The following FAT3 variants were observed in gnomAD, a reference collection of about 807,000 sequenced individuals.
The protein encoded by FAT3 is FAT atypical cadherin 3.
FAT3 carries 95 observed loss-of-function variants against 310.2 expected under a neutral mutation model. That is an observed-to-expected ratio of 0.31 (90% CI 0.26 to 0.36). FAT3 has a LOEUF of 0.36. Among genes scored for constraint, FAT3 ranks in the 10% least tolerant of loss-of-function variants. The pLI, the probability that FAT3 is intolerant of heterozygous loss-of-function variation, is 1.00. For missense variants in FAT3, 5,408 were observed against 5,715.6 expected, an observed-to-expected ratio of 0.95 and a Z score of 1.74; for synonymous variants, 2,314 against 2,192.9, an observed-to-expected ratio of 1.06 and a Z score of -1.54.
intron 6 of FAT3, among the ~76,000 whole-genome samples, chr11:92,771,604 T>C (rs1424283874): frequency 1.3e-5 from 2 of 152,122 alleles, no homozygotes; most frequent in Non-Finnish European, 2.9e-5. Flanking sequence ...CTGAGAGACA[T>C]AGTTTGTAGG....
intron 3 of FAT3, among the ~76,000 whole-genome samples, chr11:92,562,364 T>C (rs1955257538): frequency 6.6e-6 from 1 of 152,176 alleles, no homozygotes; most frequent in Non-Finnish European, 1.5e-5. Context: ...TTCCCTTGCA[T>C]ATAGAAGGCC....
chr11:92,325,663 C>T (rs1321231989), intron 1 of FAT3, among the ~76,000 whole-genome samples: 2 of 152,114 alleles, frequency 1.3e-5, no homozygotes, highest in African/African-American at 4.8e-5. Flanking sequence ...AGATGAGTCT[C>T]GCTCTGTCAC....
At chr11:92,742,530 C>G (rs538283546) in intron 4 of FAT3, among the ~76,000 whole-genome samples, 1 of 152,330 alleles carries the variant, frequency 6.6e-6, no homozygotes, top group African/African-American at 2.4e-5. Context: ...CCAATGCAAC[C>G]ATGTCGGAGG....
chr11:92,493,016 TCTCTC>T (rs1952653589), intron 2 of FAT3, among the ~76,000 whole-genome samples: 1 of 152,084 alleles, frequency 6.6e-6, no homozygotes, highest in African/African-American at 2.4e-5. Context: ...CAGAGATTCT[TCTCTC>T]CCTCAAACTT....
chr11:92,361,579 T>A (rs1286035131), intron 2 of FAT3, among the ~76,000 whole-genome samples: 1 of 152,202 alleles, frequency 6.6e-6, no homozygotes, highest in Non-Finnish European at 1.5e-5. Flanking sequence ...CTCCAAACAC[T>A]GCTGGCACCT....
chr11:92,780,824 C>T (rs766954941), intron 7 of FAT3, among the ~76,000 whole-genome samples: 5 of 152,124 alleles, frequency 3.3e-5, no homozygotes, highest in Non-Finnish European at 5.9e-5. Context: ...ATAGCTCTAA[C>T]TTCAACCCAC....
chr11:92,432,530 G>A (rs555979656), intron 2 of FAT3, among the ~76,000 whole-genome samples: 2 of 152,272 alleles, frequency 1.3e-5, no homozygotes, highest in African/African-American at 4.8e-5. Context: ...CTCTTCTGCA[G>A]GTCTGCTGGA....
chr11:92,280,587 A>G (rs1387119652), intron 1 of FAT3, among the ~76,000 whole-genome samples: 5 of 152,196 alleles, frequency 3.3e-5, no homozygotes, highest in African/African-American at 9.6e-5. Flanking sequence ...TGCTGCAAGC[A>G]TTACCTTTCT....
At chr11:92,393,657 T>C (rs1180232486) in intron 2 of FAT3, among the ~76,000 whole-genome samples, 2 of 152,158 alleles carry the variant, frequency 1.3e-5, no homozygotes, top group Non-Finnish European at 2.9e-5. Context: ...TAATGTGGAA[T>C]TTACTTATGA....
intron 22 of FAT3, 98 bp downstream of exon 22, chr11:92,867,307 T>A (rs75751056): frequency 0.015 from 18,732 of 1,221,198 alleles, 276 homozygotes; most frequent in African/African-American, 0.072. Flanking sequence ...AGGACTCTAC[T>A]AGAGAGGAGT....
At chr11:92,620,397 A>G (rs1941030431) in intron 3 of FAT3, among the ~76,000 whole-genome samples, 1 of 152,178 alleles carries the variant, frequency 6.6e-6, no homozygotes, top group Non-Finnish European at 1.5e-5. Context: ...CAAGTCTTCT[A>G]TTTTATGGTT....
intron 3 of FAT3, among the ~76,000 whole-genome samples, chr11:92,556,838 A>G (rs1263270043): frequency 2.0e-5 from 3 of 152,090 alleles, no homozygotes; most frequent in Non-Finnish European, 4.4e-5. Context: ...TGATTGCCCA[A>G]TTACAACACT....
Position 92,801,409 on chromosome 11 carries a change from A to G in FAT3, c.8396A>G (p.Asp2799Gly). ...LDKVDIVFTV[D>G]VDIKVLDLND... ...AAAGTAGACATTGTGTTTACTGTGG[A>G]TGTAGATATCAAGGTATTGGATTTG... Residue 2799 changes from aspartate (D) to glycine (G), a missense_variant, in exon 10 of 28, where the codon GAT (aspartate) becomes GGT (glycine). Coordinates refer to ENST00000525166, the MANE Select transcript of FAT3 (RefSeq NM_001367949.2). The G allele has an allele frequency of 6.2e-7, 1 of 1,613,916 alleles. No homozygotes were observed. The highest frequency in any genetic ancestry group is 8.5e-7 in the Non-Finnish European group (1 of 1,179,866).
intron 2 of FAT3, among the ~76,000 whole-genome samples, chr11:92,521,227 A>G (rs557493263): frequency 2.0e-5 from 3 of 152,094 alleles, no homozygotes; most frequent in African/African-American, 7.2e-5. Flanking sequence ...AAACTGAAAA[A>G]CTTCCTTGAT....
intron 4 of FAT3, among the ~76,000 whole-genome samples, chr11:92,710,031 C>T (rs753674102): frequency 1.3e-5 from 2 of 152,094 alleles, no homozygotes; most frequent in Non-Finnish European, 2.9e-5. Context: ...GGGCTAAGCT[C>T]CAGGCTAACG....
chr11:92,724,879 C>G (rs1944957085), intron 4 of FAT3, among the ~76,000 whole-genome samples: 1 of 152,190 alleles, frequency 6.6e-6, no homozygotes, highest in Non-Finnish European at 1.5e-5. Flanking sequence ...AATAAAATTA[C>G]AGTGGCGTGG....
intron 1 of FAT3, among the ~76,000 whole-genome samples, chr11:92,261,454 A>C (rs1865551276): frequency 6.6e-6 from 1 of 152,114 alleles, no homozygotes; most frequent in Admixed American, 6.6e-5. Context: ...GAAGGATTGG[A>C]AACTGTGCTG....
intron 3 of FAT3, among the ~76,000 whole-genome samples, chr11:92,590,664 A>G (rs1026969931): frequency 5.3e-5 from 8 of 152,146 alleles, no homozygotes; most frequent in African/African-American, 1.9e-4. Context: ...TCATAGAAAA[A>G]TCCTCTACTT....
At position 92,224,997 on chromosome 11, in the gene FAT3, G is replaced by T. The variant is rs535351250; in HGVS notation, c.-195G>T. ...GCGAACCCCCGGCGGCGGCGGCGGCGGCGTCCCGAGCGCAGAGCGCTTCTG... is the reference window on the plus strand; with the variant it reads ...GCGAACCCCCGGCGGCGGCGGCGGCTGCGTCCCGAGCGCAGAGCGCTTCTG... On this transcript the variant is annotated 5_prime_UTR_variant, in exon 1 of 28. Transcript: ENST00000525166. Among the ~76,000 whole-genome samples, 148 of 152,182 alleles carry T rather than the reference G, an allele frequency of 9.7e-4. No homozygotes were observed. Among genetic ancestry groups the T allele is most frequent in the African/African-American group, 3.4e-3 (142 of 41,542 alleles).
Sources: gnomAD v4.1 joint callset for allele counts (sites outside exome capture counted in the v4.1 genomes callset) on GRCh38, gnomAD v4.1.1 for gene constraint, MANE v1.5 for transcripts, NCBI Gene and HGNC (gene_info 2026-07-23, HGNC 2026-07-21) for gene names.